The following ERBIN variants were observed in gnomAD, a reference collection of about 807,000 sequenced individuals.
ERBIN encodes the protein erbb2 interacting protein.
ERBIN carries 60 observed loss-of-function variants against 158.4 expected under a neutral mutation model. The observed-to-expected ratio is 0.38, with a 90% CI of 0.31 to 0.47. The LOEUF (loss-of-function observed/expected upper bound fraction) is 0.47, where lower values mean the gene tolerates loss of function less well. ERBIN is among the 20% of genes least tolerant of loss of function. ERBIN has a pLI of 0.99. For missense variants in ERBIN, 1,610 were observed against 1,648.0 expected, an observed-to-expected ratio of 0.98 and a Z score of 0.40; for synonymous variants, 594 against 557.2, an observed-to-expected ratio of 1.07 and a Z score of -0.93.
chr5:65,997,951 GT>G (rs1440371376), intron 4 of ERBIN, among the ~76,000 whole-genome samples: 1 of 151,242 alleles, frequency 6.6e-6, no homozygotes, highest in Non-Finnish European at 1.5e-5. Context: ...CACACACAAA[GT>G]TATGTTGGCT....
chr5:65,994,288 G>T (rs1452954483), intron 3 of ERBIN, among the ~76,000 whole-genome samples: 1 of 152,122 alleles, frequency 6.6e-6, no homozygotes, highest in Admixed American at 6.5e-5. Flanking sequence ...GTAGAGTCTT[G>T]GTTTAGGGGT....
chr5:66,043,514 T>TC (rs1259093279), intron 16 of ERBIN, among the ~76,000 whole-genome samples: 2 of 152,106 alleles, frequency 1.3e-5, no homozygotes, highest in African/African-American at 2.4e-5. Context: ...TAGCTGACTC[T>TC]CCCCCCACCA....
intron 20 of ERBIN, among the ~76,000 whole-genome samples, chr5:66,051,901 A>AG (rs1759061946): frequency 6.6e-6 from 1 of 151,320 alleles, no homozygotes; most frequent in Admixed American, 6.6e-5. Context: ...TCTCAAAAAA[A>AG]AAAAAAAGAG....
intron 14 of ERBIN, among the ~76,000 whole-genome samples, chr5:66,030,652 T>C (rs1456703980): frequency 6.7e-6 from 1 of 148,546 alleles, no homozygotes; most frequent in Non-Finnish European, 1.5e-5. Context: ...AATCTTCACC[T>C]CCTGGGCTCA....
At chr5:65,947,943 G>T (rs1413546893) in intron 1 of ERBIN, among the ~76,000 whole-genome samples, 1 of 149,634 alleles carries the variant, frequency 6.7e-6, no homozygotes, top group Non-Finnish European at 1.5e-5. Flanking sequence ...GGAGGCGGAG[G>T]TTGCAGTGAG....
chr5:66,051,226 T>C (rs1199389403), intron 20 of ERBIN, among the ~76,000 whole-genome samples: 1 of 152,202 alleles, frequency 6.6e-6, no homozygotes, highest in African/African-American at 2.4e-5. Context: ...TTTTTAGATA[T>C]GGCAACATAA....
chr5:65,954,577 ATAC>A (rs766024169), intron 1 of ERBIN, among the ~76,000 whole-genome samples: 1 of 152,172 alleles, frequency 6.6e-6, no homozygotes, highest in South Asian at 2.1e-4. Flanking sequence ...AGTGCTGTAA[ATAC>A]TACTTCATGC....
intron 1 of ERBIN, among the ~76,000 whole-genome samples, chr5:65,977,324 G>T (rs1277053049): frequency 1.3e-5 from 2 of 151,820 alleles, no homozygotes; most frequent in African/African-American, 4.8e-5. Flanking sequence ...CCCGGACGAG[G>T]TGGCTGCCGG....
chr5:66,015,573 G>C (rs998201771), intron 7 of ERBIN, among the ~76,000 whole-genome samples: 12 of 152,204 alleles, frequency 7.9e-5, no homozygotes, highest in African/African-American at 2.4e-4. Context: ...AATATTTACT[G>C]TCTGGCCCTT....
intron 25 of ERBIN, among the ~76,000 whole-genome samples, chr5:66,077,791 CACA>C (rs1561464909): frequency 3.9e-4 from 51 of 131,138 alleles, no homozygotes; most frequent in African/African-American, 1.5e-3. Context: ...CACACACACA[CACA>C]TACACACACA....
chr5:66,016,677 G>C (rs1210697859), intron 7 of ERBIN, among the ~76,000 whole-genome samples: 1 of 148,196 alleles, frequency 6.7e-6, no homozygotes. Flanking sequence ...GCAGTGGCAT[G>C]ATCTCGGTTC....
At chr5:66,013,162 T>C (rs939564686) in intron 5 of ERBIN, among the ~76,000 whole-genome samples, 7 of 152,220 alleles carry the variant, frequency 4.6e-5, no homozygotes, top group African/African-American at 1.7e-4. Flanking sequence ...GCCCAAAATT[T>C]CTCTGCCAAG....
intron 15 of ERBIN, among the ~76,000 whole-genome samples, chr5:66,042,514 A>G (rs994745968): frequency 2.0e-5 from 3 of 152,030 alleles, no homozygotes; most frequent in Non-Finnish European, 2.9e-5. Context: ...CCAAAATCCA[A>G]ACCTTTTGGA....
intron 1 of ERBIN, among the ~76,000 whole-genome samples, chr5:65,944,994 A>G (rs923059083): frequency 5.3e-5 from 8 of 152,228 alleles, no homozygotes; most frequent in Admixed American, 4.6e-4. Flanking sequence ...AAAAAAATGG[A>G]GCAAATGATC....
intron 1 of ERBIN, among the ~76,000 whole-genome samples, chr5:65,977,084 T>A (rs1303810297): frequency 7.6e-6 from 1 of 131,608 alleles, no homozygotes; most frequent in African/African-American, 2.9e-5. Flanking sequence ...CACTTCCCAG[T>A]AGGGGCGGCC....
chr5:66,051,007 A>G, intron 20 of ERBIN, 41 bp downstream of exon 20: 1 of 1,335,642 alleles, frequency 7.5e-7, no homozygotes, highest in Non-Finnish European at 1.0e-6. Context: ...TATACAATAA[A>G]TAGAAGTAGT....
At chr5:65,965,170 A>ATAAAATGTAAATTGCT (rs1748422732) in intron 1 of ERBIN, among the ~76,000 whole-genome samples, 1 of 149,872 alleles carries the variant, frequency 6.7e-6, no homozygotes, top group Non-Finnish European at 1.5e-5. Context: ...TGTGATTAGA[A>ATAAAATGTAAATTGCT]TAAAATGTAA....
rs1473307452 is a variant in ERBIN at position 66,053,603 on chromosome 5, A to G, written c.2285A>G (p.His762Arg). Residue 762 changes from histidine (H) to arginine (R), a missense_variant, in exon 21 of 26, where the codon CAT (histidine) becomes CGT (arginine). By Grantham distance (29) the His-to-Arg change is conservative (BLOSUM62 0). This residue lies in a region of ERBIN where 1,014 missense variants were observed against 936.1 expected (regional missense o/e 1.08). Transcript: ENST00000284037. ...ATADDTHKLD[H>R]INMNLNKLIT... ...GCTGATGACACTCACAAATTAGATC[A>G]TATCAATATGAATCTTAATAAACTT... 2 of 1,610,408 alleles carry G rather than the reference A, an allele frequency of 1.2e-6. No individual in the cohort carries two copies. The highest frequency in any genetic ancestry group is 2.2e-5 in the East Asian group (1 of 44,838).
rs1759417647 is a variant in ERBIN, at chr5:66,054,689, A to G, written c.3371A>G (p.Gln1124Arg). The G allele has an allele frequency of 1.9e-6, 3 of 1,614,032 alleles. No individual in the cohort carries two copies. ...GRTPPMMPGS[Q>R]RPLSARTYSI... ...ACTCCTCCAATGATGCCAGGATCAC[A>G]GAGACCCCTTTCTGCACGAACATAC... Residue 1124 changes from glutamine (Q) to arginine (R), a missense_variant, in exon 21 of 26, where the codon CAG becomes CGG. By Grantham distance (43) the Gln-to-Arg change is conservative. Transcript: ENST00000284037.
Sources: allele counts gnomAD v4.1 joint callset (sites outside exome capture counted in the v4.1 genomes callset), GRCh38; gene constraint gnomAD v4.1.1; regional missense constraint gnomAD v4.1.1; transcripts MANE v1.5; gene names NCBI Gene and HGNC (gene_info 2026-07-23, HGNC 2026-07-21).